The following ALOXE3 variants were observed in gnomAD, a reference collection of about 807,000 sequenced individuals.
ALOXE3 encodes arachidonate epidermal lipoxygenase 3.
A neutral mutation model predicts 87.5 loss-of-function variants in ALOXE3; 78 were observed. The observed-to-expected ratio is 0.89, with a 90% CI of 0.74 to 1.08. ALOXE3 has a LOEUF of 1.08. Ranked by LOEUF, ALOXE3 falls within the 50% of genes least tolerant of loss-of-function variation. The pLI is 0.00. For missense variants in ALOXE3, 946 were observed against 912.4 expected, an observed-to-expected ratio of 1.04 and a Z score of -0.47; for synonymous variants, 363 against 370.8, an observed-to-expected ratio of 0.98 and a Z score of 0.24.
chr17:8,116,244 A>G (rs940848935), intron 3 of ALOXE3, among the ~76,000 whole-genome samples: 1 of 152,196 alleles, frequency 6.6e-6, no homozygotes, highest in South Asian at 2.1e-4. Context: ...CAGATCAGAT[A>G]GCTCTGGAAA....
In ALOXE3 at chr17:8,118,455, C is replaced by T. The variant is rs564835328; in HGVS notation, c.-314+31G>A. ...AATGTCCCCCAAGATCTGTTCCTCC[C>T]CATTCCCAGGCAGAGATGAGCACAG... On this transcript the variant is annotated intron_variant, in intron 1 of 15. Coordinates refer to ENST00000448843, the MANE Select transcript of ALOXE3 (RefSeq NM_021628.3). 1.8e-4 allele frequency: 280 copies of T among 1,550,180 alleles called. 2 individuals carry two copies. In the African/African-American group the frequency reaches 3.5e-3, roughly 19 times the overall value.
At chr17:8,099,459 C>T (rs540542769) in intron 15 of ALOXE3, among the ~76,000 whole-genome samples, 6 of 152,050 alleles carry the variant, frequency 3.9e-5, no homozygotes, top group South Asian at 4.2e-4. Context: ...GTCAGGAGTT[C>T]GAGACCAGCC....
intron 13 of ALOXE3, among the ~76,000 whole-genome samples, chr17:8,107,732 G>T (rs1979431506): frequency 6.6e-6 from 1 of 150,526 alleles, no homozygotes; most frequent in South Asian, 2.1e-4. Context: ...CCGGGAGGCG[G>T]AGCTTGCAGT....
In ALOXE3 at chr17:8,103,314, T is replaced by A. The variant is rs1251512619; in HGVS notation, c.1956+9A>T. The A allele has an allele frequency of 6.2e-7, 1 of 1,613,224 alleles. No individual in the cohort carries two copies. Among genetic ancestry groups the A allele is most frequent in the African/African-American group, 1.3e-5 (1 of 74,880 alleles). On this transcript the variant is annotated intron_variant, in intron 15 of 15. Coordinates refer to ENST00000448843, the MANE Select transcript of ALOXE3 (RefSeq NM_021628.3). ...GAACCCTACTCCCCTCAACATCCCGTATACACACCTGGTCCTTGGGTTCTT... is the reference window on the plus strand; with the variant it reads ...GAACCCTACTCCCCTCAACATCCCGAATACACACCTGGTCCTTGGGTTCTT...
chr17:8,116,709 TG>T, intron 3 of ALOXE3, 66 bp downstream of exon 3: 2 of 1,536,952 alleles, frequency 1.3e-6, no homozygotes, highest in Non-Finnish European at 1.8e-6. Flanking sequence ...TGGGGCTCTG[TG>T]AGACCCCACT....
Position 8,118,142 on chromosome 17 carries a change from C to G in ALOXE3, c.-152G>C. The G allele has an allele frequency of 6.4e-7, 1 of 1,551,504 alleles. No individual in the cohort carries two copies. Among genetic ancestry groups the G allele is most frequent in the Non-Finnish European group, 8.7e-7 (1 of 1,147,050 alleles). ...GGGCTGAGGATGGGCCCAGCTCTCTCTGGGATGTTCCTGGGCTTTCTCTCT... is the reference window on the plus strand; with the variant it reads ...GGGCTGAGGATGGGCCCAGCTCTCTGTGGGATGTTCCTGGGCTTTCTCTCT... On this transcript the variant is annotated 5_prime_UTR_variant, in exon 2 of 16. Coordinates refer to ENST00000448843, the MANE Select transcript of ALOXE3 (RefSeq NM_021628.3).
intron 8 of ALOXE3, among the ~76,000 whole-genome samples, chr17:8,111,089 C>A (rs551611925): frequency 6.6e-6 from 1 of 152,294 alleles, no homozygotes; most frequent in Non-Finnish European, 1.5e-5. Context: ...CAAGGGCAAG[C>A]CTTCCTCAAA....
rs1555647100 is a variant in ALOXE3, at chr17:8,107,991, A to AAAGGAAGGAAGG, written c.1684+476_1684+477insCCTTCCTTCCTT. 2.5e-4 allele frequency among the ~76,000 whole-genome samples: 4 copies of AAAGGAAGGAAGG among 16,220 alleles called. 2 individuals carry two copies. The highest frequency in any genetic ancestry group is 8.0e-4 in the African/African-American group (4 of 5,008). 10.6% of individuals were successfully genotyped at this position (16,220 alleles called of 152,430 possible). On this transcript the variant is annotated intron_variant, in intron 13 of 15. Transcript: ENST00000448843. Reference sequence around the variant, plus strand: ...GAGAGAGAGAGAGAGAGAAAGAAAGAAAGGAAGGAAAGAAAGAAAGAAAGA... The same window carrying AAAGGAAGGAAGG: ...GAGAGAGAGAGAGAGAGAAAGAAAGAAAGGAAGGAAGGAAGGAAGGAAAGAAAGAAAGAAAGA...
chr17:8,105,120 C>T (rs750879155), intron 13 of ALOXE3, among the ~76,000 whole-genome samples: 42 of 152,206 alleles, frequency 2.8e-4, no homozygotes, highest in Non-Finnish European at 2.1e-4. Context: ...CTAAAACCCT[C>T]GGAGGGCTTC....
At position 8,110,911 on chromosome 17, in the gene ALOXE3, T is replaced by C. The variant is rs142225154; in HGVS notation, c.958-383A>G. ...ATGTCTCTAGCTTTCTGGAGGAGAA[T>C]GCCTGAGGGCTTGACTGCCCCAAAA... On this transcript the variant is annotated intron_variant, in intron 8 of 15. Transcript: ENST00000448843. 6.0e-3 allele frequency among the ~76,000 whole-genome samples: 912 copies of C among 152,324 alleles called. 15 individuals are homozygous for C. The highest frequency in any genetic ancestry group is 0.021 in the African/African-American group (864 of 41,564).
chr17:8,108,320 T>C (rs1979685671), intron 13 of ALOXE3, 148 bp downstream of exon 13: 19 of 1,310,896 alleles, frequency 1.4e-5, no homozygotes, highest in Non-Finnish European at 1.8e-5. Flanking sequence ...CACAGCCTTC[T>C]TTGTGCCTCT....
chr17:8,110,322 T>C, intron 9 of ALOXE3, 27 bp from the exon 10 acceptor site: 1 of 1,612,106 alleles, frequency 6.2e-7, no homozygotes, highest in Non-Finnish European at 8.5e-7. Context: ...CGAGGGATGA[T>C]GGGGCTCCGG....
intron 15 of ALOXE3, among the ~76,000 whole-genome samples, chr17:8,101,490 G>C (rs903215479): frequency 6.6e-6 from 1 of 152,086 alleles, no homozygotes; most frequent in African/African-American, 2.4e-5. Context: ...TTATAGGAGA[G>C]AGCCCTCCAC....
At chr17:8,109,371 G>C in intron 11 of ALOXE3, 28 bp from the exon 12 acceptor site, 15 of 1,609,652 alleles carry the variant, frequency 9.3e-6, no homozygotes, top group Non-Finnish European at 1.3e-5. Context: ...CTCGGCTCCC[G>C]GGCCGGCCCA....
Position 8,117,927 on chromosome 17 carries a change from TG to T in ALOXE3, c.63del (p.Asn21LysfsTer18), listed in dbSNP as rs1362539992. On this transcript the variant is annotated frameshift_variant, in exon 2 of 16. Transcript: ENST00000448843. LOFTEE classifies it high-confidence loss of function. Reference sequence around the variant, plus strand: ...CACGTGCCCACCAGTGTGACAGAGATGTTGTCCAGTGTGCCGGCCCTCAGGT... The same window carrying T: ...CACGTGCCCACCAGTGTGACAGAGATTTGTCCAGTGTGCCGGCCCTCAGGT... ...GPYLRAGTLD[N>X]ISVTLVGTCG... 6.2e-7 allele frequency: 1 copy of T among 1,612,218 alleles called. No homozygotes were observed. The highest frequency in any genetic ancestry group is 8.5e-7 in the Non-Finnish European group (1 of 1,179,606).
rs764781178 is a variant in ALOXE3, at chr17:8,114,483, C to T, written c.680+1G>A. ...GTTCATTAGAGGGACAATGGCCTTA[C>T]GCAGGGATGGCATTGAAGAGCAGCG... On this transcript the variant is annotated splice_donor_variant, in intron 6 of 15. Transcript: ENST00000448843. LOFTEE classifies it high-confidence loss of function. The T allele has an allele frequency of 1.1e-5, 18 of 1,613,304 alleles. No individual in the cohort carries two copies. The highest frequency in any genetic ancestry group is 3.3e-4 in the Middle Eastern group (2 of 6,084).
chr17:8,103,654 A>G, intron 14 of ALOXE3, 161 bp from the exon 15 acceptor site: 1 of 849,222 alleles, frequency 1.2e-6, no homozygotes, highest in Non-Finnish European at 1.9e-6. Flanking sequence ...GGATCATGGA[A>G]AGGCAAGAGA....
chr17:8,107,901 GAAAGAAAGAAAGAAAGAAAGAAAGAA>G (rs1979528551), intron 13 of ALOXE3, among the ~76,000 whole-genome samples: 1 of 5,088 alleles, frequency 2.0e-4, no homozygotes, highest in Admixed American at 1.8e-3. Flanking sequence ...AAGAAAGAAA[GAAAGAAAGAAAGAAAGAAAGAAAGAA>G]AGAAAGAAAG....
At chr17:8,097,937 C>T (rs1978653520) in intron 15 of ALOXE3, among the ~76,000 whole-genome samples, 1 of 151,472 alleles carries the variant, frequency 6.6e-6, no homozygotes, top group African/African-American at 2.4e-5. Context: ...TTAGTAGAGA[C>T]AGGGTTTCAC....
Sources: gnomAD v4.1 joint callset for allele counts (sites outside exome capture counted in the v4.1 genomes callset) on GRCh38, gnomAD v4.1.1 for gene constraint, MANE v1.5 for transcripts, NCBI Gene and HGNC (gene_info 2026-07-23, HGNC 2026-07-21) for gene names.